Variants in ZNF804B observed in about 807,000 individuals in gnomAD.
ZNF804B encodes zinc finger protein 804B, also known as zinc finger 804B.
In ZNF804B, 80 loss-of-function variants were observed where a neutral mutation model predicts 101.4. The observed-to-expected ratio is 0.79, with a 90% CI of 0.66 to 0.95. The LOEUF (loss-of-function observed/expected upper bound fraction) is 0.95, where lower values mean the gene tolerates loss of function less well. ZNF804B is among the 40% of genes least tolerant of loss of function. The pLI is 0.00. For missense variants in ZNF804B, 1,673 were observed against 1,561.9 expected (o/e 1.07, Z -1.20); for synonymous variants, 622 against 558.8 (o/e 1.11, Z -1.59).
chr7:89,172,523 A>G (rs1340817462), intron 1 of ZNF804B, among the ~76,000 whole-genome samples: 1 of 152,184 alleles, frequency 6.6e-6, no homozygotes, highest in Non-Finnish European at 1.5e-5. Context: ...TGCCTTGTCA[A>G]GTGTTTTACT....
intron 1 of ZNF804B, among the ~76,000 whole-genome samples, chr7:88,769,779 T>C (rs997179227): frequency 1.3e-5 from 2 of 152,204 alleles, no homozygotes; most frequent in South Asian, 2.1e-4. Flanking sequence ...GTATCATAAT[T>C]GTTAAGAATC....
At chr7:88,855,943 T>A (rs925154717) in intron 1 of ZNF804B, among the ~76,000 whole-genome samples, 10 of 152,200 alleles carry the variant, frequency 6.6e-5, no homozygotes, top group Non-Finnish European at 1.2e-4. Flanking sequence ...CTGAGGGCTC[T>A]ATTCTGTTCC....
chr7:89,117,960 A>C (rs1164994779), intron 1 of ZNF804B, among the ~76,000 whole-genome samples: 2 of 152,164 alleles, frequency 1.3e-5, no homozygotes, highest in Non-Finnish European at 1.5e-5. Flanking sequence ...ATTTGTTAGC[A>C]GACTTTTGAA....
At chr7:88,842,726 T>C (rs1791307051) in intron 1 of ZNF804B, among the ~76,000 whole-genome samples, 1 of 152,212 alleles carries the variant, frequency 6.6e-6, no homozygotes, top group Non-Finnish European at 1.5e-5. Flanking sequence ...GCTCTGCTGC[T>C]TCAAACGAAC....
At chr7:89,090,583 G>A (rs6953942) in intron 1 of ZNF804B, among the ~76,000 whole-genome samples, 75,540 of 151,672 alleles carry the variant, frequency 0.5, 19,276 homozygotes, top group Middle Eastern at 0.54. Flanking sequence ...GATGATTATT[G>A]GATTATAAAG....
chr7:89,043,422 A>G (rs1020895138), intron 1 of ZNF804B, among the ~76,000 whole-genome samples: 1 of 152,228 alleles, frequency 6.6e-6, no homozygotes, highest in African/African-American at 2.4e-5. Context: ...AAAATAAAAC[A>G]TTTCTACTTT....
intron 2 of ZNF804B, among the ~76,000 whole-genome samples, chr7:89,271,140 G>A (rs1263967806): frequency 6.6e-6 from 1 of 152,128 alleles, no homozygotes; most frequent in Non-Finnish European, 1.5e-5. Context: ...TCCCTGTCTT[G>A]TGCCAGTTTT....
intron 1 of ZNF804B, among the ~76,000 whole-genome samples, chr7:88,846,303 G>GA (rs950375489): frequency 2.4e-4 from 36 of 151,878 alleles, no homozygotes; most frequent in African/African-American, 7.3e-4. Flanking sequence ...GAACTGAGTA[G>GA]AAAAAAACTA....
intron 1 of ZNF804B, among the ~76,000 whole-genome samples, chr7:89,084,329 A>C (rs1394413552): frequency 6.6e-6 from 1 of 151,902 alleles, no homozygotes; most frequent in Non-Finnish European, 1.5e-5. Context: ...CTCAAATCCT[A>C]GGAGGACCAA....
chr7:88,784,737 C>A (rs1340303529), intron 1 of ZNF804B, among the ~76,000 whole-genome samples: 1 of 152,164 alleles, frequency 6.6e-6, no homozygotes, highest in African/African-American at 2.4e-5. Flanking sequence ...TCACCCTCTC[C>A]AAGTCACCAG....
intron 1 of ZNF804B, among the ~76,000 whole-genome samples, chr7:89,103,088 A>G (rs75758137): frequency 1.2e-5 from 1 of 84,834 alleles, no homozygotes; most frequent in Non-Finnish European, 2.0e-5. Context: ...TTTTTTACCA[A>G]TACTGTGGTG....
chr7:89,011,498 G>A (rs1788461773), intron 1 of ZNF804B, among the ~76,000 whole-genome samples: 1 of 152,142 alleles, frequency 6.6e-6, no homozygotes. Flanking sequence ...CTATGAACCT[G>A]TAAAATCAAA....
chr7:88,827,703 C>A (rs1445075215), intron 1 of ZNF804B, among the ~76,000 whole-genome samples: 1 of 152,062 alleles, frequency 6.6e-6, no homozygotes, highest in Non-Finnish European at 1.5e-5. Flanking sequence ...TTTCCCTCCA[C>A]TCTGAAAACC....
intron 1 of ZNF804B, among the ~76,000 whole-genome samples, chr7:88,780,400 T>TG (rs1562791476): frequency 1.4e-5 from 2 of 147,838 alleles, no homozygotes; most frequent in South Asian, 2.2e-4. Flanking sequence ...TTTTTTTTTT[T>TG]TTTTTTGAGA....
intron 1 of ZNF804B, among the ~76,000 whole-genome samples, chr7:88,773,391 G>C (rs973869445): frequency 7.2e-6 from 1 of 139,442 alleles, no homozygotes; most frequent in Non-Finnish European, 1.5e-5. Context: ...TTCAACTGGG[G>C]AGTCCAAGTC....
intron 2 of ZNF804B, among the ~76,000 whole-genome samples, chr7:89,262,886 A>G (rs1436084314): frequency 2.6e-5 from 4 of 152,212 alleles, no homozygotes; most frequent in African/African-American, 4.8e-5. Context: ...TGGACATTTT[A>G]CGAAACACAC....
intron 1 of ZNF804B, among the ~76,000 whole-genome samples, chr7:89,025,783 A>G (rs1254058691): frequency 6.6e-6 from 1 of 152,170 alleles, no homozygotes; most frequent in Non-Finnish European, 1.5e-5. Flanking sequence ...ACAGTGATTC[A>G]GTTTCTTGCC....
chr7:89,031,657 TTTTG>T (rs908787984), intron 1 of ZNF804B, among the ~76,000 whole-genome samples: 11 of 142,794 alleles, frequency 7.7e-5, no homozygotes, highest in Admixed American at 7.1e-4. Context: ...GGCTTCTGGT[TTTTG>T]TTTTTTTTTT....
intron 2 of ZNF804B, among the ~76,000 whole-genome samples, chr7:89,293,625 A>C (rs879834741): frequency 6.6e-6 from 1 of 151,994 alleles, no homozygotes; most frequent in Non-Finnish European, 1.5e-5. Flanking sequence ...TCTACTAAAA[A>C]TACAAAAAAA....
Sources: gnomAD v4.1 joint callset for allele counts (sites outside exome capture counted in the v4.1 genomes callset) on GRCh38, gnomAD v4.1.1 for gene constraint, MANE v1.5 for transcripts, NCBI Gene and HGNC (gene_info 2026-07-23, HGNC 2026-07-21) for gene names.